The following IAPP variants were observed in gnomAD, a reference collection of about 807,000 sequenced individuals.
IAPP encodes the protein Islet amyloid polypeptide (diabetes-associated peptide; amylin).
In IAPP, 4 loss-of-function variants were observed where a neutral mutation model predicts 2.9. The ratio of observed to expected loss-of-function variants is 1.39; its 90% CI spans 0.69 to 3.19. The LOEUF (loss-of-function observed/expected upper bound fraction) is 3.19. Ranked by LOEUF, IAPP falls within the 30% of genes most tolerant of loss-of-function variation. The pLI is 0.01. For missense variants in IAPP, 114 were observed against 105.3 expected (o/e 1.08, Z -0.36); for synonymous variants, 40 against 42.1 (o/e 0.95, Z 0.19).
In IAPP at chr12:21,363,573, C is replaced by CA. The variant is rs530273702; in HGVS notation, c.-16+8567dup. 1.3e-4 allele frequency among the ~76,000 whole-genome samples: 20 copies of CA among 151,760 alleles called. 1 individual carries two copies. In the South Asian group the frequency reaches 2.9e-3, roughly 22 times the overall value. The stretch of plus-strand genomic sequence containing the variant: ...AGCAGAACTGAAGTAGATAGAGACA[C>CA]AAAAAAACCCTTCAAAAAATAAATT... On this transcript the variant is annotated intron_variant, in intron 1 of 2. Transcript: ENST00000539393.
rs542000292 is a variant in IAPP, at chr12:21,365,199, A to G, written c.-15-8138A>G. Among the ~76,000 whole-genome samples the G allele has an allele frequency of 8.5e-5, 13 of 152,300 alleles. No individual in the cohort carries two copies. The South Asian group carries it at 2.5e-3, about 29-fold the overall frequency. On this transcript the variant is annotated intron_variant, in intron 1 of 2. Transcript: ENST00000539393. ...GCATGGTACTGGTACCAAAACAGAGATATAGACCAATGGAACAGAATAGAG... is the reference window on the plus strand; with the variant it reads ...GCATGGTACTGGTACCAAAACAGAGGTATAGACCAATGGAACAGAATAGAG...
intron 1 of IAPP, among the ~76,000 whole-genome samples, chr12:21,359,691 G>A (rs1938665654): frequency 6.6e-6 from 1 of 151,354 alleles, no homozygotes; most frequent in Non-Finnish European, 1.5e-5. Context: ...AGCTTGCAGT[G>A]AGCCGAGATC....
rs1370833713 is a variant in IAPP, at chr12:21,378,253, C to T, written c.97C>T (p.Arg33Trp). The change falls in exon 3 of 3, where the codon CGG becomes TGG. Residue 33 changes from arginine to tryptophan, a missense_variant. Coordinates refer to ENST00000240652, the MANE Select transcript of IAPP (RefSeq NM_000415.3). ...TGTTACCAGTCATCAGGTGGAAAAGCGGAAATGCAACACTGCCACATGTGC... is the reference window on the plus strand; with the variant it reads ...TGTTACCAGTCATCAGGTGGAAAAGTGGAAATGCAACACTGCCACATGTGC... ...TPIESHQVEK[R>W]KCNTATCATQ... The T allele has an allele frequency of 5.0e-6, 8 of 1,613,986 alleles. No homozygotes were observed. Among genetic ancestry groups the T allele is most frequent in the African/African-American group, 4.0e-5 (3 of 74,920 alleles).
intron 1 of IAPP, among the ~76,000 whole-genome samples, chr12:21,367,377 G>A (rs998548638): frequency 3.3e-5 from 5 of 152,002 alleles, no homozygotes; most frequent in African/African-American, 9.7e-5. Context: ...CAATATGAAA[G>A]CAAAAGGATA....
chr12:21,363,976 G>A (rs1029977068), intron 1 of IAPP, among the ~76,000 whole-genome samples: 2 of 152,148 alleles, frequency 1.3e-5, no homozygotes, highest in African/African-American at 4.8e-5. Context: ...GTAAAAAGAG[G>A]AGCTGGTACC....
chr12:21,377,951 C>T (rs1940322699), intron 2 of IAPP, among the ~76,000 whole-genome samples: 1 of 151,908 alleles, frequency 6.6e-6, no homozygotes, highest in Admixed American at 6.6e-5. Flanking sequence ...GACAAAGACA[C>T]TGTTATTTTG....
chr12:21,365,577 C>T (rs990139578), intron 1 of IAPP, among the ~76,000 whole-genome samples: 10 of 152,130 alleles, frequency 6.6e-5, no homozygotes, highest in African/African-American at 2.4e-4. Flanking sequence ...AGCTTCTGCA[C>T]ATCAAAAGAA....
At chr12:21,374,110 C>T (rs73080823) in intron 2 of IAPP, among the ~76,000 whole-genome samples, 4,770 of 152,166 alleles carry the variant, frequency 0.031, 105 homozygotes, top group Middle Eastern at 0.054. Context: ...CAGTAGGTAG[C>T]ATGTATGTCA....
chr12:21,375,699 A>G (rs1221816994), intron 2 of IAPP, among the ~76,000 whole-genome samples: 2 of 152,250 alleles, frequency 1.3e-5, no homozygotes, highest in Non-Finnish European at 2.9e-5. Context: ...TAAGGCTGAG[A>G]GCAGGGACTC....
Position 21,378,575 on chromosome 12 carries a change from T to C in IAPP, c.*149T>C, listed in dbSNP as rs1487346783. The C allele has an allele frequency of 1.6e-6, 1 of 639,334 alleles. No individual in the cohort carries two copies. Among genetic ancestry groups the C allele is most frequent in the Admixed American group, 2.6e-5 (1 of 38,620 alleles). The allele number at this position is 639,334 out of a possible 1,614,324, so 39.6% of individuals were successfully genotyped here. A position where few individuals can be genotyped will look rare whatever the true frequency, so the allele number is the denominator to read the frequency against. ...TATACCTTCTCAAAAGATTGTTTTATATGTAGTACTAACTAAGGTCCCATA... is the reference window on the plus strand; with the variant it reads ...TATACCTTCTCAAAAGATTGTTTTACATGTAGTACTAACTAAGGTCCCATA... On this transcript the variant is annotated 3_prime_UTR_variant, in exon 3 of 3. Coordinates refer to ENST00000240652, the MANE Select transcript of IAPP (RefSeq NM_000415.3).
At chr12:21,360,911 C>G (rs1938807556) in intron 1 of IAPP, among the ~76,000 whole-genome samples, 1 of 152,132 alleles carries the variant, frequency 6.6e-6, no homozygotes, top group African/African-American at 2.4e-5. Context: ...GTGGAGCCCA[C>G]CGCAGCTCAA....
chr12:21,364,575 G>T (rs1375375971), intron 1 of IAPP, among the ~76,000 whole-genome samples: 1 of 152,156 alleles, frequency 6.6e-6, no homozygotes, highest in South Asian at 2.1e-4. Flanking sequence ...AAGAAATAAA[G>T]GGTATTCAAT....
At chr12:21,376,350 T>C (rs1940190287) in intron 2 of IAPP, 1 of 361,506 alleles carries the variant, frequency 2.8e-6, no homozygotes, top group Non-Finnish European at 5.6e-6. Context: ...CAATTTTTAC[T>C]GTTTTTCAAG....
chr12:21,356,598 A>G (rs1049744395), intron 1 of IAPP, among the ~76,000 whole-genome samples: 10 of 152,172 alleles, frequency 6.6e-5, no homozygotes, highest in African/African-American at 2.4e-4. Context: ...AATGTGACAT[A>G]GAAAAGTAGT....
upstream of IAPP, among the ~76,000 whole-genome samples, chr12:21,368,181 C>T (rs922743399): frequency 5.3e-5 from 8 of 152,048 alleles, no homozygotes; most frequent in African/African-American, 1.9e-4. Context: ...AAATAAACAG[C>T]ATCACGTGAG....
chr12:21,369,653 C>T (rs1939642705), upstream of IAPP, among the ~76,000 whole-genome samples: 1 of 152,170 alleles, frequency 6.6e-6, no homozygotes, highest in African/African-American at 2.4e-5. Context: ...AGTGTGTATG[C>T]AATTGCTAAG....
chr12:21,356,935 A>AT (rs1938412844), intron 1 of IAPP, among the ~76,000 whole-genome samples: 1 of 152,184 alleles, frequency 6.6e-6, no homozygotes, highest in South Asian at 2.1e-4. Context: ...AATAGATTAT[A>AT]TACTAGATTA....
At chr12:21,359,821 T>C (rs2137041946) in intron 1 of IAPP, among the ~76,000 whole-genome samples, 1 of 152,190 alleles carries the variant, frequency 6.6e-6, no homozygotes, top group South Asian at 2.1e-4. Context: ...GAAGCATGTG[T>C]CAACACAAAG....
intron 2 of IAPP, 152 bp downstream of exon 2, chr12:21,373,583 G>C (rs1939960657): frequency 2.8e-6 from 2 of 707,802 alleles, no homozygotes; most frequent in Non-Finnish European, 5.1e-6. Flanking sequence ...CTTGAATTCT[G>C]TGTTCTTTAA....
Sources: gnomAD v4.1 joint callset for allele counts (sites outside exome capture counted in the v4.1 genomes callset) on GRCh38, gnomAD v4.1.1 for gene constraint, MANE v1.5 for transcripts, NCBI Gene and HGNC (gene_info 2026-07-23, HGNC 2026-07-21) for gene names.